The following CCDC91 variants were observed in gnomAD, a reference collection of about 807,000 sequenced individuals.
CCDC91 encodes coiled-coil domain containing 91.
A neutral mutation model predicts 63.2 loss-of-function variants in CCDC91; 48 were observed. That is an observed-to-expected ratio of 0.76 (90% confidence interval 0.60 to 0.97). The LOEUF (loss-of-function observed/expected upper bound fraction) is 0.97, where lower values mean the gene tolerates loss of function less well. CCDC91 is among the 50% of genes least tolerant of loss of function. The pLI is 0.00. For missense variants in CCDC91, 500 were observed against 494.6 expected (o/e 1.01, Z -0.10); for synonymous variants, 167 against 165.8 (o/e 1.01, Z -0.06).
intron 6 of CCDC91, among the ~76,000 whole-genome samples, chr12:28,308,848 C>G (rs1939020398): frequency 6.6e-6 from 1 of 152,002 alleles, no homozygotes; most frequent in South Asian, 2.1e-4. Flanking sequence ...CCTAAGTGGT[C>G]TTCTGGCTTC....
At chr12:28,258,190 G>A (rs1404546647) in intron 2 of CCDC91, among the ~76,000 whole-genome samples, 1 of 151,848 alleles carries the variant, frequency 6.6e-6, no homozygotes, top group East Asian at 1.9e-4. Context: ...TTTTGTTTAA[G>A]CATGCTTGTA....
chr12:28,501,624 G>C (rs1203974130), intron 12 of CCDC91, among the ~76,000 whole-genome samples: 1 of 151,028 alleles, frequency 6.6e-6, no homozygotes, highest in Non-Finnish European at 1.5e-5. Flanking sequence ...TTTTATTGAG[G>C]ATTTTTGCAT....
intron 6 of CCDC91, chr12:28,319,286 A>G (rs1940233557): frequency 6.6e-6 from 1 of 152,026 alleles, no homozygotes; most frequent in African/African-American, 2.4e-5. Flanking sequence ...ATCATTAAAC[A>G]GATTTGCAGC....
At chr12:28,347,338 C>G (rs969220370) in intron 6 of CCDC91, among the ~76,000 whole-genome samples, 5 of 152,200 alleles carry the variant, frequency 3.3e-5, no homozygotes, top group Admixed American at 2.6e-4. Context: ...GAATTTCCTT[C>G]AGTTAATAAC....
chr12:28,210,406 A>T (rs1227439497), intron 1 of CCDC91, among the ~76,000 whole-genome samples: 1 of 152,204 alleles, frequency 6.6e-6, no homozygotes, highest in Non-Finnish European at 1.5e-5. Flanking sequence ...GAGCTCTTTT[A>T]TATAAACATT....
chr12:28,339,994 T>C (rs1043032944), intron 6 of CCDC91, among the ~76,000 whole-genome samples: 1 of 152,188 alleles, frequency 6.6e-6, no homozygotes, highest in Admixed American at 6.5e-5. Context: ...ACACTACTTA[T>C]AGCTATATTT....
chr12:28,452,398 T>G (rs1319031635), intron 10 of CCDC91, 80 bp from the exon 11 acceptor site: 2 of 1,005,074 alleles, frequency 2.0e-6, no homozygotes, highest in Admixed American at 2.6e-5. Flanking sequence ...GTTTTTTATC[T>G]TTTAGGTTAA....
Position 28,259,461 on chromosome 12 carries a change from TA to T in CCDC91, c.109+20del. On this transcript the variant is annotated intron_variant, in intron 3 of 12. Coordinates refer to ENST00000536442, the MANE Select transcript of CCDC91 (RefSeq NM_018318.5). Reference sequence around the variant, plus strand: ...CCTGCAGGTATTGGTATCCAGGAATTAGGGTTTTTTTTTTTTTTTTTCCCAT... The same window carrying T: ...CCTGCAGGTATTGGTATCCAGGAATTGGGTTTTTTTTTTTTTTTTTCCCAT... 6.2e-6 allele frequency: 9 copies of T among 1,453,946 alleles called. No homozygotes were observed. The highest frequency in any genetic ancestry group is 1.4e-5 in the African/African-American group (1 of 70,300). The allele number at this position is 1,453,946 out of a possible 1,614,324, so 90.1% of individuals were successfully genotyped here.
intron 7 of CCDC91, among the ~76,000 whole-genome samples, chr12:28,369,597 G>A (rs1299663620): frequency 6.6e-6 from 1 of 152,184 alleles, no homozygotes; most frequent in African/African-American, 2.4e-5. Flanking sequence ...ACTAGGTAGT[G>A]CCCCAGTGGA....
At chr12:28,224,026 C>T (rs1944114254) in intron 1 of CCDC91, among the ~76,000 whole-genome samples, 1 of 152,184 alleles carries the variant, frequency 6.6e-6, no homozygotes, top group Admixed American at 6.5e-5. Context: ...TGCTTAAGTG[C>T]TCCACAAATC....
chr12:28,307,784 C>G, intron 6 of CCDC91, 35 bp downstream of exon 6: 2 of 1,093,812 alleles, frequency 1.8e-6, no homozygotes, highest in Non-Finnish European at 2.7e-6. Context: ...AAAATGTAAG[C>G]CTTTTGATGA....
chr12:28,403,533 T>G (rs1465090133), intron 8 of CCDC91, among the ~76,000 whole-genome samples: 1 of 152,050 alleles, frequency 6.6e-6, no homozygotes, highest in Non-Finnish European at 1.5e-5. Context: ...TGACCCCATA[T>G]CTCTGGGGTC....
At chr12:28,274,494 G>C (rs1287405410) in intron 3 of CCDC91, among the ~76,000 whole-genome samples, 7 of 152,088 alleles carry the variant, frequency 4.6e-5, no homozygotes, top group Admixed American at 3.9e-4. Flanking sequence ...TCTTCCATTT[G>C]TTTGTATCCT....
At chr12:28,246,748 C>G (rs1233175978) in intron 1 of CCDC91, among the ~76,000 whole-genome samples, 1 of 152,082 alleles carries the variant, frequency 6.6e-6, no homozygotes, top group African/African-American at 2.4e-5. Context: ...AAGATGGTCA[C>G]TAGAGGAGAC....
At chr12:28,405,175 AT>A (rs887124616) in intron 8 of CCDC91, among the ~76,000 whole-genome samples, 8 of 151,712 alleles carry the variant, frequency 5.3e-5, no homozygotes, top group Admixed American at 2.0e-4. Flanking sequence ...ATTAGTTATA[AT>A]TTTTTTTCTT....
intron 6 of CCDC91, among the ~76,000 whole-genome samples, chr12:28,346,023 AT>A (rs541839404): frequency 6.6e-5 from 10 of 150,634 alleles, no homozygotes; most frequent in Admixed American, 1.3e-4. Context: ...TTTCCATGCA[AT>A]TTTTTTTTGG....
chr12:28,476,739 G>C (rs1252174491), intron 11 of CCDC91, among the ~76,000 whole-genome samples: 1 of 151,792 alleles, frequency 6.6e-6, no homozygotes, highest in Admixed American at 6.6e-5. Context: ...TAATAAAGAA[G>C]AAAAGAGAGA....
At chr12:28,542,491 A>ACAGG (rs2141825435) in intron 12 of CCDC91, among the ~76,000 whole-genome samples, 1 of 152,056 alleles carries the variant, frequency 6.6e-6, no homozygotes, top group East Asian at 1.9e-4. Flanking sequence ...AGAATAGGAG[A>ACAGG]CAGGAACTCT....
Position 28,452,584 on chromosome 12 carries a change from A to C in CCDC91, c.1031A>C (p.His344Pro), listed in dbSNP as rs756710514. ...GAAAGGGAATTATGGAAGACAGAAC[A>C]TGCAAAAGATCAAGAAAAAGTATCT... ...AEERELWKTE[H>P]AKDQEKVSQE... The change falls in exon 11 of 13, where the codon CAT becomes CCT. Residue 344 changes from histidine (H) to proline (P), a missense_variant. His to Pro is a moderately conservative substitution (Grantham distance 77). Coordinates refer to ENST00000536442, the MANE Select transcript of CCDC91 (RefSeq NM_018318.5). The C allele has an allele frequency of 1.8e-5, 28 of 1,586,422 alleles. No homozygotes were observed. The highest frequency in any genetic ancestry group is 1.7e-5 in the Non-Finnish European group (20 of 1,168,128).
Sources: gnomAD v4.1 joint callset for allele counts (sites outside exome capture counted in the v4.1 genomes callset) on GRCh38, gnomAD v4.1.1 for gene constraint, MANE v1.5 for transcripts, NCBI Gene and HGNC (gene_info 2026-07-23, HGNC 2026-07-21) for gene names.